Variants in AREG observed in about 807,000 individuals in gnomAD.
AREG encodes the protein amphiregulin B.
In AREG, 16 loss-of-function variants were observed where a neutral mutation model predicts 28.0. That is an observed-to-expected ratio of 0.57 (90% CI 0.39 to 0.87). AREG has a LOEUF of 0.87. Ranked by LOEUF, AREG falls within the 40% of genes least tolerant of loss-of-function variation. The probability of loss-of-function intolerance (pLI) is 0.00; values close to 1 mark genes in which losing one functional copy is unlikely to be tolerated. For missense variants in AREG, 287 were observed against 309.1 expected, an observed-to-expected ratio of 0.93 and a Z score of 0.53; for synonymous variants, 113 against 113.5, an observed-to-expected ratio of 1.00 and a Z score of 0.02.
chr4:74,451,348 G>A (rs2110412607), intron 4 of AREG, among the ~76,000 whole-genome samples: 1 of 152,278 alleles, frequency 6.6e-6, no homozygotes, highest in South Asian at 2.1e-4. Context: ...GCTCTGTGAT[G>A]ACTCATGTGC....
At chr4:74,446,460 T>C (rs1244305713) in intron 1 of AREG, 74 bp from the exon 2 acceptor site, 9 of 1,612,606 alleles carry the variant, frequency 5.6e-6, no homozygotes, top group East Asian at 4.5e-5. Flanking sequence ...GATAAACTTT[T>C]CTACCTAACA....
chr4:74,449,706 G>C (rs1454365004), intron 3 of AREG, among the ~76,000 whole-genome samples: 2 of 152,134 alleles, frequency 1.3e-5, no homozygotes, highest in African/African-American at 2.4e-5. Context: ...AGTGAGCCGT[G>C]ATCGCACCAC....
Position 74,449,226 on chromosome 4 carries a change from C to T in AREG, c.490C>T (p.His164Tyr), listed in dbSNP as rs1578844480. 1.2e-6 allele frequency: 2 copies of T among 1,613,334 alleles called. No homozygotes were observed. The highest frequency in any genetic ancestry group is 1.7e-6 in the Non-Finnish European group (2 of 1,179,772). ...CIHGECKYIEHLEAVTCKCQQ... is the reference protein window; with the variant it reads ...CIHGECKYIEYLEAVTCKCQQ... ...TCACGGAGAATGCAAATATATAGAG[C>T]ACCTGGAAGCAGTAACATGCAAGTA... is the stretch of plus-strand genomic sequence containing the variant. Residue 164 changes from histidine to tyrosine, a missense_variant, in exon 3 of 6, where the codon CAC becomes TAC. Transcript: ENST00000395748.
intron 4 of AREG, among the ~76,000 whole-genome samples, 187 bp downstream of exon 4, chr4:74,450,719 C>T (rs1194982392): frequency 6.6e-6 from 1 of 152,050 alleles, no homozygotes; most frequent in Non-Finnish European, 1.5e-5. Context: ...CTTGTGGCCA[C>T]CATTGAAATT....
At position 74,452,618 on chromosome 4, in the gene AREG, A is replaced by G. The variant is rs1578845676; in HGVS notation, c.740A>G (p.Asn247Ser). 1.9e-6 allele frequency: 3 copies of G among 1,613,582 alleles called. No homozygotes were observed. The highest frequency in any genetic ancestry group is 2.5e-6 in the Non-Finnish European group (3 of 1,179,666). ...AAGAAACTTCGACAAGAGAATGGAA[A>G]TGTACATGCTATAGCATAACTGAAG... The part of the protein sequence containing the change: ...ERKKLRQENG[N>S]VHAIA Residue 247 changes from asparagine to serine, a missense_variant, in exon 5 of 6, where the codon AAT (asparagine) becomes AGT (serine). By Grantham distance (46) the Asn-to-Ser change is conservative (BLOSUM62 1). Transcript: ENST00000395748.
chr4:74,449,974 T>C (rs1209352648), intron 3 of AREG, among the ~76,000 whole-genome samples: 4 of 151,914 alleles, frequency 2.6e-5, no homozygotes, highest in Non-Finnish European at 5.9e-5. Flanking sequence ...GTATGCATTT[T>C]TTAAAAACTC....
chr4:74,448,932 G>T lies in AREG; in HGVS notation c.311-115G>T, dbSNP rs1272383301. ...ACTTTTATATTGTGTTAGGTAATGA[G>T]GCACGCATGGCTGTTACCCCTGTGA... On this transcript the variant is annotated intron_variant, in intron 2 of 5. Coordinates refer to ENST00000395748, the MANE Select transcript of AREG (RefSeq NM_001657.4). 16 of 1,413,680 alleles carry T rather than the reference G, an allele frequency of 1.1e-5. No homozygotes were observed. In the East Asian group the frequency reaches 3.5e-4, roughly 31 times the overall value. The allele number at this position is 1,413,680 out of a possible 1,614,324, so 87.6% of individuals were successfully genotyped here.
In AREG at chr4:74,452,665, T is replaced by G; in HGVS notation, c.*18+10T>G. On this transcript the variant is annotated intron_variant, in intron 5 of 5. Transcript: ENST00000395748. ...GAAGATAAAATTACAGGTTTGAGTT[T>G]TAAAATATATCTTTAGATCATATCC... 3 of 1,608,880 alleles carry G rather than the reference T, an allele frequency of 1.9e-6. No homozygotes were observed. The highest frequency in any genetic ancestry group is 8.5e-7 in the Non-Finnish European group (1 of 1,177,284).
At chr4:74,445,548 C>G in intron 1 of AREG, 142 bp downstream of exon 1, 1 of 1,467,624 alleles carries the variant, frequency 6.8e-7, no homozygotes, top group Non-Finnish European at 9.1e-7. Context: ...TAGCTCCCTC[C>G]CTAGGAGGAA....
chr4:74,446,596 G>A lies in AREG; in HGVS notation c.124G>A (p.Gly42Arg). Residue 42 changes from glycine to arginine, a missense_variant, in exon 2 of 6, where the codon GGG becomes AGG. Physicochemically the swap from Gly to Arg is moderately radical, Grantham distance 125. Coordinates refer to ENST00000395748, the MANE Select transcript of AREG (RefSeq NM_001657.4). ...CTCTGGGAAGCGTGAACCATTTTCT[G>A]GGGACCACAGTGCTGATGGATTTGA... Reference protein sequence around the residue: ...TYSGKREPFSGDHSADGFEVT... With the variant: ...TYSGKREPFSRDHSADGFEVT... The A allele has an allele frequency of 6.2e-7, 1 of 1,613,940 alleles. No homozygotes were observed. The highest frequency in any genetic ancestry group is 8.5e-7 in the Non-Finnish European group (1 of 1,179,868).
At chr4:74,450,159 G>C (rs1401113251) in intron 3 of AREG, among the ~76,000 whole-genome samples, 1 of 152,040 alleles carries the variant, frequency 6.6e-6, no homozygotes, top group Non-Finnish European at 1.5e-5. Context: ...GAATGACAAG[G>C]CGTGTCTTCT....
intron 5 of AREG, among the ~76,000 whole-genome samples, chr4:74,454,023 ACT>A (rs1413631688): frequency 6.6e-6 from 1 of 151,952 alleles, no homozygotes; most frequent in Admixed American, 6.6e-5. Flanking sequence ...TTTAATGTAC[ACT>A]CCAGATGGTT....
intron 1 of AREG, among the ~76,000 whole-genome samples, chr4:74,446,241 A>G (rs1460026230): frequency 6.6e-6 from 1 of 152,240 alleles, no homozygotes; most frequent in African/African-American, 2.4e-5. Flanking sequence ...CCCATCAAGT[A>G]ATTGTATTAG....
intron 3 of AREG, among the ~76,000 whole-genome samples, chr4:74,449,788 C>A (rs1289765555): frequency 6.6e-6 from 1 of 151,974 alleles, no homozygotes; most frequent in Non-Finnish European, 1.5e-5. Flanking sequence ...AAAAACTATT[C>A]TTAGCTTGCA....
At position 74,449,163 on chromosome 4, in the gene AREG, A is replaced by G; in HGVS notation, c.427A>G (p.Lys143Glu). The change falls in exon 3 of 6, where the codon AAA becomes GAA. Residue 143 changes from lysine to glutamate, a missense_variant. Transcript: ENST00000395748. The part of the protein sequence containing the change: ...NGKNRRNRKK[K>E]NPCNAEFQNF... Reference sequence around the variant, plus strand: ...AAAAAATAGAAGAAACAGAAAGAAGAAAAATCCATGTAATGCAGAATTTCA... The same window carrying G: ...AAAAAATAGAAGAAACAGAAAGAAGGAAAATCCATGTAATGCAGAATTTCA... The G allele has an allele frequency of 2.5e-6, 4 of 1,613,270 alleles. No homozygotes were observed. Among genetic ancestry groups the G allele is most frequent in the Non-Finnish European group, 3.4e-6 (4 of 1,179,758 alleles).
In AREG at chr4:74,446,768, A is replaced by G; in HGVS notation, c.296A>G (p.Asp99Gly). The change falls in exon 2 of 6, where the codon GAT becomes GGT. Residue 99 changes from aspartate to glycine, a missense_variant. Asp to Gly is a moderately conservative substitution (Grantham distance 94). Transcript: ENST00000395748. ...NEPQIPGYIV[D>G]DSVRVEQVVK... ...CCACAAATACCTGGCTATATTGTCG[A>G]TGATTCAGTCAGAGGTGAGTAGGGG... 1 of 1,613,964 alleles carries G rather than the reference A, an allele frequency of 6.2e-7. No individual in the cohort carries two copies. Among genetic ancestry groups the G allele is most frequent in the Non-Finnish European group, 8.5e-7 (1 of 1,179,866 alleles).
Position 74,449,309 on chromosome 4 carries a change from C to T in AREG, c.512+61C>T, listed in dbSNP as rs538599725. On this transcript the variant is annotated intron_variant, in intron 3 of 5. Transcript: ENST00000395748. ...CTAGCACCATGTCTGAAACCCCTAA[C>T]TGCAGGAAACCATTTATTTTTCCAA... The T allele has an allele frequency of 7.0e-4, 1,123 of 1,607,154 alleles. 5 individuals carry two copies. Among genetic ancestry groups the T allele is most frequent in the Middle Eastern group, 8.3e-4 (5 of 6,012 alleles).
intron 1 of AREG, 93 bp from the exon 2 acceptor site, chr4:74,446,441 A>C (rs965925857): frequency 7.6e-5 from 122 of 1,604,718 alleles, no homozygotes; most frequent in Admixed American, 2.8e-4. Context: ...AACTGCTTTG[A>C]TGTCAAAAGA....
rs762340079 is a variant in AREG at position 74,449,123 on chromosome 4, G to A, written c.387G>A (p.Lys129=). The A allele has an allele frequency of 2.7e-5, 44 of 1,612,042 alleles. No individual in the cohort carries two copies. The highest frequency in any genetic ancestry group is 4.4e-5 in the South Asian group (4 of 90,844). The change falls in exon 3 of 6, where the codon AAG becomes AAA. Residue 129 remains lysine (K), a synonymous_variant. Coordinates refer to ENST00000395748, the MANE Select transcript of AREG (RefSeq NM_001657.4). ...CAGATAAACCCAAAAGAAAGAAAAA[G>A]GGAGGCAAAAATGGAAAAAATAGAA... ...NTSDKPKRKK[K]GGKNGKNRRN...
Sources: allele counts gnomAD v4.1 joint callset (sites outside exome capture counted in the v4.1 genomes callset), GRCh38; gene constraint gnomAD v4.1.1; transcripts MANE v1.5; gene names NCBI Gene and HGNC (gene_info 2026-07-23, HGNC 2026-07-21).